Variants in CRTC1 observed in about 807,000 individuals in gnomAD.
CRTC1 encodes CREB-regulated transcription coactivator 1.
CRTC1 carries 18 observed loss-of-function variants against 66.1 expected under a neutral mutation model. The ratio of observed to expected loss-of-function variants is 0.27; its 90% CI spans 0.19 to 0.40. The LOEUF (loss-of-function observed/expected upper bound fraction) is 0.40, where lower values mean the gene tolerates loss of function less well. Ranked by LOEUF, CRTC1 falls within the 10% of genes least tolerant of loss-of-function variation. The pLI, the probability that CRTC1 is intolerant of heterozygous loss-of-function variation, is 1.00. For missense variants in CRTC1, 669 were observed against 887.9 expected, an observed-to-expected ratio of 0.75 and a Z score of 3.13; for synonymous variants, 416 against 398.8, an observed-to-expected ratio of 1.04 and a Z score of -0.51.
At chr19:18,688,787 C>T (rs536926985) in intron 1 of CRTC1, among the ~76,000 whole-genome samples, 13 of 152,094 alleles carry the variant, frequency 8.5e-5, no homozygotes, top group South Asian at 2.1e-4. Flanking sequence ...CATGGCATTC[C>T]GCCACTCAGT....
At position 18,768,083 on chromosome 19, in the gene CRTC1, G is replaced by A. The variant is rs1360862352; in HGVS notation, c.1012-402G>A. On this transcript the variant is annotated intron_variant, in intron 9 of 13. Transcript: ENST00000321949. The surrounding 1 kb of genome is among the most constrained non-coding windows in gnomAD (Gnocchi z 5.6). ...AGAGTGGGCAAGGCTTTGGGCGGGG[G>A]GGTTTGGGAAGGCAAGGCCAGTGGA... Among the ~76,000 whole-genome samples the A allele has an allele frequency of 6.6e-6, 1 of 152,204 alleles. No individual in the cohort carries two copies. Among genetic ancestry groups the A allele is most frequent in the African/African-American group, 2.4e-5 (1 of 41,450 alleles).
At position 18,708,592 on chromosome 19, in the gene CRTC1, C is replaced by G. The variant is rs566250230; in HGVS notation, c.126+24764C>G. Among the ~76,000 whole-genome samples the G allele has an allele frequency of 2.5e-4, 38 of 152,278 alleles. 1 individual carries two copies. The highest frequency in any genetic ancestry group is 2.0e-3 in the Admixed American group (31 of 15,290). ...CTCCTGGGGCATCACAGGGAATGTT[C>G]TGGAAGCAGGGCTGGGGCGGCACTT... is the stretch of plus-strand genomic sequence containing the variant. On this transcript the variant is annotated intron_variant, in intron 1 of 13. Coordinates refer to ENST00000321949, the MANE Select transcript of CRTC1 (RefSeq NM_015321.3).
chr19:18,702,747 T>C (rs1226834095), intron 1 of CRTC1, among the ~76,000 whole-genome samples: 1 of 151,726 alleles, frequency 6.6e-6, no homozygotes, highest in African/African-American at 2.4e-5. Context: ...TTGGTCAGGC[T>C]GGTCTCGAAT....
intron 1 of CRTC1, among the ~76,000 whole-genome samples, chr19:18,712,318 G>A (rs1339390639): frequency 6.6e-6 from 1 of 152,104 alleles, no homozygotes; most frequent in African/African-American, 2.4e-5. Flanking sequence ...GAGTTCAGTG[G>A]CATGATGTTG....
chr19:18,754,350 G>A (rs1394845603), intron 6 of CRTC1, among the ~76,000 whole-genome samples: 2 of 152,112 alleles, frequency 1.3e-5, no homozygotes, highest in African/African-American at 4.8e-5. Context: ...GTGAGACCCT[G>A]CCTCTACAAA....
intron 1 of CRTC1, among the ~76,000 whole-genome samples, chr19:18,688,582 G>A (rs1483345330): frequency 6.6e-6 from 1 of 152,010 alleles, no homozygotes; most frequent in Non-Finnish European, 1.5e-5. Flanking sequence ...GGAATTGCAG[G>A]CATGCACCAC....
chr19:18,757,720 A>T (rs1388018152), intron 6 of CRTC1, among the ~76,000 whole-genome samples: 1 of 152,070 alleles, frequency 6.6e-6, no homozygotes, highest in African/African-American at 2.4e-5. Context: ...AAAAAAAATT[A>T]AAAAATAAAA....
At position 18,768,275 on chromosome 19, in the gene CRTC1, C is replaced by T. The variant is rs570577872; in HGVS notation, c.1012-210C>T. Among the ~76,000 whole-genome samples, 102 of 152,326 alleles carry T rather than the reference C, an allele frequency of 6.7e-4. No homozygotes were observed. The highest frequency in any genetic ancestry group is 2.1e-3 in the African/African-American group (89 of 41,576). On this transcript the variant is annotated intron_variant, in intron 9 of 13. Coordinates refer to ENST00000321949, the MANE Select transcript of CRTC1 (RefSeq NM_015321.3). The surrounding 1 kb of genome is among the most constrained non-coding windows in gnomAD (Gnocchi z 5.6). Reference sequence around the variant, plus strand: ...CAAGCTGGAGGAGGTCAGGTCCTGCCCAGCTCCAGCTGACCCCCTTGGGGC... The same window carrying T: ...CAAGCTGGAGGAGGTCAGGTCCTGCTCAGCTCCAGCTGACCCCCTTGGGGC...
intron 6 of CRTC1, among the ~76,000 whole-genome samples, chr19:18,759,103 G>A (rs2054556642): frequency 6.6e-6 from 1 of 152,216 alleles, no homozygotes; most frequent in African/African-American, 2.4e-5. Context: ...CACTCGGGAG[G>A]CTGAGGCGGG....
chr19:18,768,619 C>G lies in CRTC1; in HGVS notation c.1146C>G (p.Pro382=). ...CACCCGCGTCCCAGCAGCCACCACC[C>G]CCGCCACCCCCACAGGCGCCCGTCC... ...PPPPASQQPP[P]PPPPQAPVRL... Residue 382 remains proline (P), a synonymous_variant, in exon 10 of 14, where the codon CCC becomes CCG. Transcript: ENST00000321949. The surrounding 1 kb of genome is among the most constrained non-coding windows in gnomAD (Gnocchi z 5.6). The G allele has an allele frequency of 6.7e-7, 1 of 1,502,388 alleles. No individual in the cohort carries two copies. Among genetic ancestry groups the G allele is most frequent in the Non-Finnish European group, 9.0e-7 (1 of 1,107,334 alleles). The allele number at this position is 1,502,388 out of a possible 1,614,324, so 93.1% of individuals were successfully genotyped here. A position where few individuals can be genotyped will look rare whatever the true frequency, so the allele number is the denominator to read the frequency against.
chr19:18,732,812 C>T (rs4808851), intron 1 of CRTC1, among the ~76,000 whole-genome samples: 39,103 of 151,918 alleles, frequency 0.26, 5,317 homozygotes, highest in Middle Eastern at 0.31. Context: ...TACAGGAGGC[C>T]GGGTGTGGTG....
At chr19:18,685,072 T>G (rs776731833) in intron 1 of CRTC1, among the ~76,000 whole-genome samples, 21 of 152,206 alleles carry the variant, frequency 1.4e-4, no homozygotes, top group Admixed American at 3.9e-4. Context: ...ATTCAGCCAC[T>G]GATGTGACTG....
chr19:18,759,794 G>T lies in CRTC1; in HGVS notation c.665+203G>T, dbSNP rs544704355. ...GATGCCCTCTCCTGGGTTCAGGGAG[G>T]TTGCTGCCCCCAGGCCCCCCACCGT... On this transcript the variant is annotated intron_variant, in intron 7 of 13. Coordinates refer to ENST00000321949, the MANE Select transcript of CRTC1 (RefSeq NM_015321.3). 7.9e-5 allele frequency among the ~76,000 whole-genome samples: 12 copies of T among 152,208 alleles called. No homozygotes were observed. The East Asian group carries it at 1.9e-3, about 25-fold the overall frequency.
intron 9 of CRTC1, among the ~76,000 whole-genome samples, chr19:18,766,194 TCA>T (rs891385869): frequency 2.3e-4 from 35 of 151,618 alleles, no homozygotes; most frequent in African/African-American, 8.2e-4. Flanking sequence ...TGATCTCGGC[TCA>T]CGGCAACCTT....
intron 1 of CRTC1, among the ~76,000 whole-genome samples, chr19:18,725,677 G>A (rs984869330): frequency 1.3e-5 from 2 of 152,198 alleles, no homozygotes; most frequent in East Asian, 1.9e-4. Flanking sequence ...CTCTTCCTGA[G>A]CCTCCCACCT....
chr19:18,722,908 C>T (rs1045809032), intron 1 of CRTC1, among the ~76,000 whole-genome samples: 2 of 151,868 alleles, frequency 1.3e-5, no homozygotes, highest in South Asian at 2.1e-4. Flanking sequence ...ATCGTGTTTT[C>T]GAGGTTTGTC....
intron 1 of CRTC1, among the ~76,000 whole-genome samples, chr19:18,731,876 C>T (rs569638069): frequency 2.0e-5 from 3 of 152,222 alleles, no homozygotes; most frequent in Non-Finnish European, 1.5e-5. Flanking sequence ...TTAGGGCTAG[C>T]GCACACTGGA....
chr19:18,779,354 C>T lies in CRTC1; in HGVS notation c.*1972C>T, dbSNP rs536685592. ...AGAAGGCTCCCTGGTCACGTTGCTC[C>T]TGCTGCCGTCTTGTTCCAAGGTGCG... is the stretch of plus-strand genomic sequence containing the variant. On this transcript the variant is annotated 3_prime_UTR_variant, in exon 14 of 14. Transcript: ENST00000321949. The T allele has an allele frequency of 1.8e-4, 41 of 227,120 alleles. 1 individual carries two copies. The East Asian group carries it at 2.5e-3, about 14-fold the overall frequency. The allele number at this position is 227,120 out of a possible 1,614,324, so 14.1% of individuals were successfully genotyped here.
At chr19:18,734,761 C>CA (rs1448973225) in intron 1 of CRTC1, among the ~76,000 whole-genome samples, 1 of 152,210 alleles carries the variant, frequency 6.6e-6, no homozygotes, top group Non-Finnish European at 1.5e-5. Context: ...CCCACACACA[C>CA]AGTTTCCAGA....
Sources: allele counts gnomAD v4.1 joint callset (sites outside exome capture counted in the v4.1 genomes callset), GRCh38; gene constraint gnomAD v4.1.1; non-coding constraint Gnocchi (gnomAD v3.1); transcripts MANE v1.5; gene names NCBI Gene and HGNC (gene_info 2026-07-23, HGNC 2026-07-21).